C5orf24: variants seen among roughly 807,000 people sequenced by gnomAD.
C5orf24 encodes chromosome 5 open reading frame 24, also known as UPF0461 protein C5orf24.
Under a neutral mutation model 9.8 loss-of-function variants are expected in C5orf24, and 4 were observed. The observed-to-expected ratio is 0.41, with a 90% CI of 0.20 to 0.93. The LOEUF is 0.93. Among genes scored for constraint, C5orf24 ranks in the 40% least tolerant of loss-of-function variants. C5orf24 has a pLI of 0.33. For synonymous variants in C5orf24, 73 were observed against 81.3 expected, an observed-to-expected ratio of 0.90 and a Z score of 0.55; for missense variants, 170 against 236.9, an observed-to-expected ratio of 0.72 and a Z score of 1.85.
chr5:134,848,837 A>T (rs1005677137), intron 1 of C5orf24, among the ~76,000 whole-genome samples: 1 of 150,780 alleles, frequency 6.6e-6, no homozygotes, highest in African/African-American at 2.4e-5. Flanking sequence ...TGTGCCTGTA[A>T]TCCCAGCTAC....
the C5orf24 span, among the ~76,000 whole-genome samples, chr5:134,835,312 A>C: frequency 6.6e-6 from 1 of 152,198 alleles, no homozygotes; most frequent in African/African-American, 2.4e-5. Context: ...CTGTGAACTA[A>C]AGCTGTGGTC....
At chr5:134,845,252 A>G (rs1298064384), upstream of C5orf24, among the ~76,000 whole-genome samples, 1 of 152,180 alleles carries the variant, frequency 6.6e-6, no homozygotes, top group East Asian at 1.9e-4. Context: ...AGTTCTATGA[A>G]TTGTCCATCC....
At chr5:134,838,648 A>C in the C5orf24 span, among the ~76,000 whole-genome samples, 1 of 152,110 alleles carries the variant, frequency 6.6e-6, no homozygotes, top group Non-Finnish European at 1.5e-5. Context: ...TCTCAAACAA[A>C]CAAATAAAAG....
intron 1 of C5orf24, among the ~76,000 whole-genome samples, chr5:134,853,539 T>C (rs1756225214): frequency 6.8e-6 from 1 of 146,692 alleles, no homozygotes; most frequent in Non-Finnish European, 1.5e-5. Flanking sequence ...TTTTTTTTTT[T>C]TTTTTTTTTT....
At chr5:134,851,109 G>A (rs552965555) in intron 1 of C5orf24, among the ~76,000 whole-genome samples, 2 of 148,510 alleles carry the variant, frequency 1.3e-5, no homozygotes, top group South Asian at 4.2e-4. Context: ...TGTATTTTTA[G>A]TAGAAACAGG....
At chr5:134,841,189 A>T (rs1318463121), upstream of C5orf24, among the ~76,000 whole-genome samples, 1 of 152,172 alleles carries the variant, frequency 6.6e-6, no homozygotes, top group Non-Finnish European at 1.5e-5. Context: ...TATTTCTTCA[A>T]TTCTCTCTTA....
Position 134,854,916 on chromosome 5 carries a change from G to C in C5orf24, c.16G>C (p.Ala6Pro). Residue 6 changes from alanine (A) to proline (P), a missense_variant, in exon 2 of 2, where the codon GCC becomes CCC. This residue lies in a region of C5orf24 where 93 missense variants were observed against 104.5 expected (regional missense o/e 0.89). Transcript: ENST00000394976. MMHPV[A>P]SSNPAFCGPG... Reference sequence around the variant, plus strand: ...TTGGTAGAAAATGATGCATCCTGTTGCCAGCAGTAATCCAGCTTTCTGTGG... The same window carrying C: ...TTGGTAGAAAATGATGCATCCTGTTCCCAGCAGTAATCCAGCTTTCTGTGG... 1 of 1,613,952 alleles carries C rather than the reference G, an allele frequency of 6.2e-7. No homozygotes were observed. Among genetic ancestry groups the C allele is most frequent in the East Asian group, 2.2e-5 (1 of 44,882 alleles).
chr5:134,844,884 C>T (rs540733349), upstream of C5orf24, among the ~76,000 whole-genome samples: 4 of 152,208 alleles, frequency 2.6e-5, no homozygotes, highest in African/African-American at 9.6e-5. Context: ...ATTACAGGTG[C>T]GCACCACCAT....
chr5:134,857,015 A>C lies in C5orf24; in HGVS notation c.*1548A>C, dbSNP rs546986622. 2 of 1,020,572 alleles carry C rather than the reference A, an allele frequency of 2.0e-6. No homozygotes were observed. Among genetic ancestry groups the C allele is most frequent in the East Asian group, 9.7e-5 (1 of 10,302 alleles). 63.2% of individuals were successfully genotyped at this position (1,020,572 alleles called of 1,614,324 possible). A position where few individuals can be genotyped will look rare whatever the true frequency, so the allele number is the denominator to read the frequency against. The stretch of plus-strand genomic sequence containing the variant: ...TGTTTGCTTTAGAAGCAAGATAGAA[A>C]GGAAAAAAAGTATTAGGTAGATATG... On this transcript the variant is annotated 3_prime_UTR_variant, in exon 2 of 2. Coordinates refer to ENST00000394976, the MANE Select transcript of C5orf24 (RefSeq NM_001135586.1).
In C5orf24 at chr5:134,846,186, C is replaced by G. The variant is rs561950598; in HGVS notation, c.-30C>G. 34 of 152,446 alleles carry G rather than the reference C, an allele frequency of 2.2e-4. No homozygotes were observed. The highest frequency in any genetic ancestry group is 7.9e-4 in the African/African-American group (33 of 41,562). The allele number at this position is 152,446 out of a possible 1,614,324, so 9.4% of individuals were successfully genotyped here. A position where few individuals can be genotyped will look rare whatever the true frequency, so the allele number is the denominator to read the frequency against. On this transcript the variant is annotated 5_prime_UTR_variant, in exon 1 of 2. Coordinates refer to ENST00000394976, the MANE Select transcript of C5orf24 (RefSeq NM_001135586.1). ...GCCGCTGGGAAGCCCCTAGACGCGCCGAGGGGCCGGGCTACGAGCGGCTGA... is the reference window on the plus strand; with the variant it reads ...GCCGCTGGGAAGCCCCTAGACGCGCGGAGGGGCCGGGCTACGAGCGGCTGA...
intron 1 of C5orf24, among the ~76,000 whole-genome samples, chr5:134,851,201 T>C (rs1212521469): frequency 1.3e-5 from 2 of 152,110 alleles, no homozygotes; most frequent in African/African-American, 4.8e-5. Context: ...GTGCTGGGAT[T>C]GTAGGCGTGA....
Position 134,857,402 on chromosome 5 carries a change from AT to A in C5orf24, c.*1937del, listed in dbSNP as rs1246234096. On this transcript the variant is annotated 3_prime_UTR_variant, in exon 2 of 2. Coordinates refer to ENST00000394976, the MANE Select transcript of C5orf24 (RefSeq NM_001135586.1). ...AGGTGTTCCAGTGATGCCTGACACA[AT>A]TGAGCTGGACTTTATGCTGCTCTTT... 6 of 1,548,486 alleles carry A rather than the reference AT, an allele frequency of 3.9e-6. No homozygotes were observed. Among genetic ancestry groups the A allele is most frequent in the Non-Finnish European group, 5.2e-6 (6 of 1,145,602 alleles).
At chr5:134,843,950 T>C (rs1244762695), upstream of C5orf24, among the ~76,000 whole-genome samples, 1 of 152,230 alleles carries the variant, frequency 6.6e-6, no homozygotes, top group African/African-American at 2.4e-5. Flanking sequence ...AAACTTTTGG[T>C]GGAGCAATGA....
rs1756387959 is a variant in C5orf24, at chr5:134,859,249, G to T, written c.*3782G>T. 1 of 166,892 alleles carries T rather than the reference G, an allele frequency of 6.0e-6. No individual in the cohort carries two copies. Among genetic ancestry groups the T allele is most frequent in the Admixed American group, 6.6e-5 (1 of 15,254 alleles). The allele number at this position is 166,892 out of a possible 1,614,324, so 10.3% of individuals were successfully genotyped here. ...ATAGGAATATAAAGAATTCAAAACA[G>T]TTTTTCAAAAGATTTTTTTCCTTGG... On this transcript the variant is annotated 3_prime_UTR_variant, in exon 2 of 2. Transcript: ENST00000394976.
At position 134,853,579 on chromosome 5, in the gene C5orf24, G is replaced by A. The variant is rs1042636492; in HGVS notation, c.-3-1319G>A. 5.3e-4 allele frequency among the ~76,000 whole-genome samples: 61 copies of A among 115,580 alleles called. 2 individuals carry two copies. Among genetic ancestry groups the A allele is most frequent in the Admixed American group, 2.9e-3 (24 of 8,286 alleles). The allele number at this position is 115,580 out of a possible 152,430, so 75.8% of individuals were successfully genotyped here. On this transcript the variant is annotated intron_variant, in intron 1 of 1. Transcript: ENST00000394976. ...ATTTCAAGAGCAGGAATCTTGCTATGCTGCCCAGGCTTGTTTCAAACTCCT... is the reference window on the plus strand; with the variant it reads ...ATTTCAAGAGCAGGAATCTTGCTATACTGCCCAGGCTTGTTTCAAACTCCT...
intron 1 of C5orf24, among the ~76,000 whole-genome samples, chr5:134,853,528 C>CTTCTTTTTTTTTTTTTTTTTTTTTTTT (rs1756223114): frequency 9.6e-6 from 1 of 104,242 alleles, no homozygotes; most frequent in African/African-American, 3.5e-5. Flanking sequence ...TCTTCTTCTT[C>CTTCTTTTTTTTTTTTTTTTTTTTTTTT]TTTTTTTTTT....
rs1318879999 is a variant in C5orf24 at position 134,859,244 on chromosome 5, A to T, written c.*3777A>T. 5 of 167,068 alleles carry T rather than the reference A, an allele frequency of 3.0e-5. No homozygotes were observed. The highest frequency in any genetic ancestry group is 2.6e-4 in the Admixed American group (4 of 15,266). 10.3% of individuals were successfully genotyped at this position (167,068 alleles called of 1,614,324 possible). ...CCTTTATAGGAATATAAAGAATTCA[A>T]AACAGTTTTTCAAAAGATTTTTTTC... On this transcript the variant is annotated 3_prime_UTR_variant, in exon 2 of 2. Coordinates refer to ENST00000394976, the MANE Select transcript of C5orf24 (RefSeq NM_001135586.1).
chr5:134,851,440 C>G (rs1756158392), intron 1 of C5orf24, among the ~76,000 whole-genome samples: 1 of 121,470 alleles, frequency 8.2e-6, no homozygotes, highest in South Asian at 3.2e-4. Flanking sequence ...CCCCGCCCCC[C>G]ACCCCCCAGG....
rs1756375782 is a variant in C5orf24 at position 134,858,791 on chromosome 5, T to C, written c.*3324T>C. ...GTTTTGCATTGGATATTAAAAAATA[T>C]ATTGGCACAATGTATTGGAAGAAAA... On this transcript the variant is annotated 3_prime_UTR_variant, in exon 2 of 2. Transcript: ENST00000394976. The C allele has an allele frequency of 1.2e-5, 2 of 166,600 alleles. No homozygotes were observed. The highest frequency in any genetic ancestry group is 1.3e-4 in the Admixed American group (2 of 15,264). 10.3% of individuals were successfully genotyped at this position (166,600 alleles called of 1,614,324 possible).
Sources: allele counts gnomAD v4.1 joint callset (sites outside exome capture counted in the v4.1 genomes callset), GRCh38; gene constraint gnomAD v4.1.1; regional missense constraint gnomAD v4.1.1; transcripts MANE v1.5; gene names NCBI Gene and HGNC (gene_info 2026-07-23, HGNC 2026-07-21).